The following OTOGL variants were observed in gnomAD, a reference collection of about 807,000 sequenced individuals.
OTOGL encodes the protein otogelin like.
In OTOGL, 285 loss-of-function variants were observed where a neutral mutation model predicts 318.5. The observed-to-expected ratio is 0.89, with a 90% CI of 0.81 to 0.99. The LOEUF is 0.99. OTOGL is among the 50% of genes least tolerant of loss of function. The pLI, the probability that OTOGL is intolerant of heterozygous loss-of-function variation, is 0.00. For synonymous variants in OTOGL, 987 were observed against 936.5 expected (o/e 1.05, Z -0.99); for missense variants, 2,899 against 2,845.6 (o/e 1.02, Z -0.43).
Position 80,313,530 on chromosome 12 carries a change from C to A in OTOGL, c.3505C>A (p.Leu1169Ile). The A allele has an allele frequency of 6.2e-7, 1 of 1,612,590 alleles. No homozygotes were observed. The highest frequency in any genetic ancestry group is 1.7e-4 in the Middle Eastern group (1 of 6,056). The stretch of plus-strand genomic sequence containing the variant: ...TCATGAAGATACATGTAACTGCAAT[C>A]TTGGTGGCGACTGTGAGTGTTTGTG... ...NCHEDTCNCN[L>I]GGDCECLCTS... Residue 1169 changes from leucine (L) to isoleucine (I), a missense_variant, in exon 31 of 59, where the codon CTT (leucine) becomes ATT (isoleucine). Around this residue, in one of 3 missense-constraint regions of OTOGL, gnomAD observed 2,607 missense variants for 2,524.9 expected, o/e 1.03. Coordinates refer to ENST00000547103, the MANE Select transcript of OTOGL (RefSeq NM_001378609.3).
At chr12:80,142,215 T>C (rs1238896270) in intron 1 of OTOGL, among the ~76,000 whole-genome samples, 2 of 152,112 alleles carry the variant, frequency 1.3e-5, no homozygotes, top group Non-Finnish European at 2.9e-5. Flanking sequence ...TAAAACAAAA[T>C]ATAAACAGGT....
chr12:80,325,862 T>C (rs1202634586), intron 35 of OTOGL, among the ~76,000 whole-genome samples: 1 of 152,096 alleles, frequency 6.6e-6, no homozygotes, highest in Non-Finnish European at 1.5e-5. Context: ...ATTTGGCTAG[T>C]TTATGACTTC....
intron 22 of OTOGL, 56 bp from the exon 23 acceptor site, chr12:80,270,044 GGA>G: frequency 6.1e-6 from 7 of 1,156,230 alleles, no homozygotes; most frequent in Middle Eastern, 2.0e-4. Flanking sequence ...CGAAATTCAG[GGA>G]AAAAAAAAAA....
intron 1 of OTOGL, among the ~76,000 whole-genome samples, chr12:80,157,455 C>T (rs1309885378): frequency 1.3e-5 from 2 of 152,060 alleles, no homozygotes; most frequent in African/African-American, 4.8e-5. Context: ...TCCACTTTTG[C>T]TTTGGTCGCC....
At chr12:80,358,428 A>C (rs1406113061) in intron 50 of OTOGL, 79 bp downstream of exon 50, 6 of 1,163,994 alleles carry the variant, frequency 5.2e-6, no homozygotes, top group Non-Finnish European at 7.3e-6. Context: ...GTTGGCTGTT[A>C]CATCAGACCC....
At chr12:80,148,193 G>A (rs937579074) in intron 1 of OTOGL, among the ~76,000 whole-genome samples, 29 of 151,218 alleles carry the variant, frequency 1.9e-4, no homozygotes, top group East Asian at 9.7e-4. Flanking sequence ...GGCTGGTACC[G>A]GTTGTTCCTG....
rs1396173510 is a variant in OTOGL at position 80,370,641 on chromosome 12, G to A, written c.6687G>A (p.Leu2229=). The change falls in exon 56 of 59, where the codon CTG becomes CTA. Residue 2229 remains leucine, a synonymous_variant. Coordinates refer to ENST00000547103, the MANE Select transcript of OTOGL (RefSeq NM_001378609.3). The part of the protein sequence containing the change: ...CVKTDEGAII[L]NYTMVCPPFN... ...AAACTGATGAAGGAGCAATAATTCTGAACTACACAATGGTCTGTCCCCCTT... is the reference window on the plus strand; with the variant it reads ...AAACTGATGAAGGAGCAATAATTCTAAACTACACAATGGTCTGTCCCCCTT... 1 of 1,596,616 alleles carries A rather than the reference G, an allele frequency of 6.3e-7. No homozygotes were observed. The highest frequency in any genetic ancestry group is 8.6e-7 in the Non-Finnish European group (1 of 1,168,742).
At chr12:80,145,571 G>C (rs1388577596) in intron 1 of OTOGL, among the ~76,000 whole-genome samples, 1 of 151,864 alleles carries the variant, frequency 6.6e-6, no homozygotes, top group African/African-American at 2.4e-5. Flanking sequence ...GAACTTTAAA[G>C]TAGTTTTTTC....
At position 80,355,803 on chromosome 12, in the gene OTOGL, C is replaced by G. The variant is rs755515583; in HGVS notation, c.5661C>G (p.Cys1887Trp). 1 of 1,613,808 alleles carries G rather than the reference C, an allele frequency of 6.2e-7. No homozygotes were observed. ...GEIWNGGIDECTLYKCLENGS... is the reference protein window; with the variant it reads ...GEIWNGGIDEWTLYKCLENGS... Reference sequence around the variant, plus strand: ...TTTGGAATGGGGGCATTGATGAATGCACTCTATACAAATGTTTGGAGAATG... The same window carrying G: ...TTTGGAATGGGGGCATTGATGAATGGACTCTATACAAATGTTTGGAGAATG... Residue 1887 changes from cysteine to tryptophan, a missense_variant, in exon 47 of 59, where the codon TGC (cysteine) becomes TGG (tryptophan). Physicochemically the swap from Cys to Trp is radical, Grantham distance 215. This residue lies in a region of OTOGL where 2,607 missense variants were observed against 2,524.9 expected (regional missense o/e 1.03). Transcript: ENST00000547103.
chr12:80,272,685 A>G (rs1401190954), intron 24 of OTOGL, among the ~76,000 whole-genome samples: 1 of 152,110 alleles, frequency 6.6e-6, no homozygotes, highest in East Asian at 1.9e-4. Flanking sequence ...AACCAGGGGC[A>G]AAGAAGAGCG....
intron 26 of OTOGL, among the ~76,000 whole-genome samples, chr12:80,282,130 C>T (rs1884278475): frequency 6.6e-6 from 1 of 151,758 alleles, no homozygotes; most frequent in Non-Finnish European, 1.5e-5. Flanking sequence ...CACAGATTTA[C>T]ATTTCTAAAT....
Position 80,303,214 on chromosome 12 carries a change from G to A in OTOGL, c.3213+431G>A, listed in dbSNP as rs532139214. ...TCTGTCGCCCAGGCTGGAGTGCAGT[G>A]GCGCAATCTCAGCTCACTGCAAGCT... On this transcript the variant is annotated intron_variant, in intron 28 of 58. Coordinates refer to ENST00000547103, the MANE Select transcript of OTOGL (RefSeq NM_001378609.3). Among the ~76,000 whole-genome samples the A allele has an allele frequency of 1.1e-4, 16 of 152,178 alleles. No homozygotes were observed. The East Asian group carries it at 2.7e-3, about 26-fold the overall frequency.
chr12:80,323,239 C>G (rs759047663), intron 34 of OTOGL, among the ~76,000 whole-genome samples: 4 of 152,044 alleles, frequency 2.6e-5, no homozygotes, highest in Non-Finnish European at 5.9e-5. Context: ...GATATTTAAT[C>G]TGAGCATGAA....
chr12:80,272,362 G>A (rs1036867283), intron 24 of OTOGL, among the ~76,000 whole-genome samples: 1 of 151,192 alleles, frequency 6.6e-6, no homozygotes, highest in Non-Finnish European at 1.5e-5. Flanking sequence ...GTGTGTGTGT[G>A]TGTGTGTGTG....
At chr12:80,106,406 T>C (rs964021020) in intron 1 of OTOGL, among the ~76,000 whole-genome samples, 2 of 152,170 alleles carry the variant, frequency 1.3e-5, no homozygotes, top group African/African-American at 4.8e-5. Flanking sequence ...GGTTTGACAA[T>C]CACCTGTGTA....
At position 80,110,203 on chromosome 12, in the gene OTOGL, G is replaced by T. The variant is rs562090302; in HGVS notation, c.-20+10598G>T. ...CTGCCTCAGCCTCCCGAGTAGCTGG[G>T]ACTACAGGCGCCCGCCACCACACCC... On this transcript the variant is annotated intron_variant, in intron 1 of 58. Coordinates refer to ENST00000547103, the MANE Select transcript of OTOGL (RefSeq NM_001378609.3). Among the ~76,000 whole-genome samples the T allele has an allele frequency of 2.6e-5, 4 of 151,918 alleles. No homozygotes were observed. In the East Asian group the frequency reaches 7.8e-4, roughly 29 times the overall value.
chr12:80,279,744 T>G (rs1307418714), intron 26 of OTOGL, among the ~76,000 whole-genome samples: 1 of 151,832 alleles, frequency 6.6e-6, no homozygotes, highest in Non-Finnish European at 1.5e-5. Context: ...AGTGCTGCAA[T>G]GAATGTATGC....
intron 1 of OTOGL, among the ~76,000 whole-genome samples, chr12:80,123,044 T>C (rs1423115617): frequency 6.6e-6 from 1 of 152,004 alleles, no homozygotes; most frequent in Non-Finnish European, 1.5e-5. Context: ...CTTTTTTTTT[T>C]TAATTATACT....
intron 54 of OTOGL, among the ~76,000 whole-genome samples, 155 bp downstream of exon 54, chr12:80,367,894 G>A (rs1358936283): frequency 2.0e-5 from 3 of 152,040 alleles, no homozygotes; most frequent in Non-Finnish European, 4.4e-5. Context: ...ATAAAACACA[G>A]ACTTTCACTT....
Sources: gnomAD v4.1 joint callset for allele counts (sites outside exome capture counted in the v4.1 genomes callset) on GRCh38, gnomAD v4.1.1 for gene constraint, gnomAD v4.1.1 regional missense constraint, MANE v1.5 for transcripts, NCBI Gene and HGNC (gene_info 2026-07-23, HGNC 2026-07-21) for gene names.